The following ALDH5A1 variants were observed in gnomAD, a reference collection of about 807,000 sequenced individuals.
ALDH5A1 encodes succinate-semialdehyde dehydrogenase, mitochondrial.
In ALDH5A1, 33 loss-of-function variants were observed where a neutral mutation model predicts 54.7. The ratio of observed to expected loss-of-function variants is 0.60; its 90% CI spans 0.46 to 0.81. The LOEUF (loss-of-function observed/expected upper bound fraction) is 0.81, where lower values mean the gene tolerates loss of function less well. ALDH5A1 is among the 30% of genes least tolerant of loss of function. The pLI is 0.00. For synonymous variants in ALDH5A1, 294 were observed against 292.7 expected (o/e 1.00, Z -0.05); for missense variants, 657 against 711.0 (o/e 0.92, Z 0.86).
rs2760118 is a variant in ALDH5A1, at chr6:24,503,362, C to T, written c.538C>T (p.His180Tyr). ...CCGCCGTGTTTACGGAGACATTATCCACACCCCGGCAAAGGACAGGCGGGC... is the reference window on the plus strand; with the variant it reads ...CCGCCGTGTTTACGGAGACATTATCTACACCCCGGCAAAGGACAGGCGGGC... Reference protein sequence around the residue: ...EARRVYGDIIHTPAKDRRALV... With the variant: ...EARRVYGDIIYTPAKDRRALV... The change falls in exon 3 of 10, where the codon CAC becomes TAC. Residue 180 changes from histidine (H) to tyrosine (Y), a missense_variant. His to Tyr is a moderately conservative substitution (Grantham distance 83, BLOSUM62 2). This residue lies in a region of ALDH5A1 where 425 missense variants were observed against 516.4 expected (regional missense o/e 0.82). Coordinates refer to ENST00000357578, the MANE Select transcript of ALDH5A1 (RefSeq NM_001080.3). 0.34 allele frequency: 544,599 copies of T among 1,613,672 alleles called. 94,205 individuals carry two copies. The highest frequency in any genetic ancestry group is 0.45 in the African/African-American group (33,523 of 74,930).
chr6:24,519,697 T>G (rs995194256), intron 5 of ALDH5A1, among the ~76,000 whole-genome samples: 2 of 151,802 alleles, frequency 1.3e-5, no homozygotes, highest in African/African-American at 4.8e-5. Context: ...AAATATGTGA[T>G]TCATTGGGAA....
chr6:24,503,219 A>G (rs749697328), intron 2 of ALDH5A1, 44 bp from the exon 3 acceptor site: 2 of 1,601,768 alleles, frequency 1.2e-6, no homozygotes, highest in South Asian at 2.2e-5. Context: ...CCATGCTTTT[A>G]TTATTAGAAG....
At chr6:24,523,757 T>C (rs7357016) in intron 7 of ALDH5A1, among the ~76,000 whole-genome samples, 13 of 152,298 alleles carry the variant, frequency 8.5e-5, no homozygotes, top group African/African-American at 3.1e-4. Context: ...TCTAAAACAG[T>C]CCTTCATGAA....
chr6:24,532,059 A>G, intron 8 of ALDH5A1, 60 bp from the exon 9 acceptor site: 1 of 1,518,644 alleles, frequency 6.6e-7, no homozygotes, highest in Non-Finnish European at 9.1e-7. Flanking sequence ...AGAAGAAAAC[A>G]AAACTGGTTT....
intron 1 of ALDH5A1, among the ~76,000 whole-genome samples, chr6:24,500,641 T>C (rs1275994988): frequency 1.3e-4 from 14 of 106,026 alleles, no homozygotes; most frequent in Non-Finnish European, 2.7e-4. Flanking sequence ...ATCAAGACCG[T>C]ATCTAAAATA....
At chr6:24,516,612 C>T (rs1759579577) in intron 5 of ALDH5A1, among the ~76,000 whole-genome samples, 1 of 151,952 alleles carries the variant, frequency 6.6e-6, no homozygotes, top group Non-Finnish European at 1.5e-5. Context: ...TCTGTACTCA[C>T]ATTGTTCATG....
intron 1 of ALDH5A1, among the ~76,000 whole-genome samples, chr6:24,497,539 G>A (rs953588894): frequency 6.6e-5 from 10 of 152,092 alleles, no homozygotes; most frequent in Non-Finnish European, 8.8e-5. Flanking sequence ...CAGGGCGCTG[G>A]TTGGTGCATT....
intron 7 of ALDH5A1, 131 bp from the exon 8 acceptor site, chr6:24,527,866 C>G: frequency 2.0e-6 from 2 of 989,240 alleles, no homozygotes; most frequent in South Asian, 1.4e-5. Context: ...AAAAGGAAAC[C>G]AGCATGCTTT....
At chr6:24,508,361 CAAAAAAAA>C (rs1214819272) in intron 4 of ALDH5A1, among the ~76,000 whole-genome samples, 6 of 13,084 alleles carry the variant, frequency 4.6e-4, no homozygotes, top group African/African-American at 9.9e-4. Context: ...ACTCCATCTC[CAAAAAAAA>C]AAAAAAAAAA....
Position 24,528,020 on chromosome 6 carries a change from C to A in ALDH5A1, c.1197C>A (p.Ala399=), listed in dbSNP as rs747534238. ...VEKVEKQVND[A]VSKGATVVTG... The stretch of plus-strand genomic sequence containing the variant: ...AGGTGGAGAAACAGGTGAATGATGC[C>A]GTTTCTAAAGGTGCCACCGTTGTGA... Residue 399 remains alanine, a synonymous_variant, in exon 8 of 10, where the codon GCC becomes GCA. Coordinates refer to ENST00000357578, the MANE Select transcript of ALDH5A1 (RefSeq NM_001080.3). The A allele has an allele frequency of 1.2e-6, 2 of 1,613,972 alleles. No individual in the cohort carries two copies. Among genetic ancestry groups the A allele is most frequent in the Admixed American group, 1.7e-5 (1 of 60,016 alleles).
intron 1 of ALDH5A1, among the ~76,000 whole-genome samples, chr6:24,497,557 C>T (rs986726672): frequency 1.3e-5 from 2 of 152,162 alleles, no homozygotes; most frequent in African/African-American, 4.8e-5. Context: ...ATTTTACAAT[C>T]CTCTTGTAAG....
At position 24,533,889 on chromosome 6, in the gene ALDH5A1, G is replaced by A. The variant is rs993931112; in HGVS notation, c.*177G>A. 5 of 627,554 alleles carry A rather than the reference G, an allele frequency of 8.0e-6. No individual in the cohort carries two copies. The highest frequency in any genetic ancestry group is 8.1e-6 in the Non-Finnish European group (3 of 369,718). 38.9% of individuals were successfully genotyped at this position (627,554 alleles called of 1,614,324 possible). A position where few individuals can be genotyped will look rare whatever the true frequency, so the allele number is the denominator to read the frequency against. On this transcript the variant is annotated 3_prime_UTR_variant, in exon 10 of 10. Transcript: ENST00000357578. ...CTACCCCTGCCCTTAATGTAACTAG[G>A]GACCAATATGTGCCACGTGCCTGTG...
chr6:24,520,948 A>G (rs917114275), intron 6 of ALDH5A1, among the ~76,000 whole-genome samples: 14 of 152,040 alleles, frequency 9.2e-5, no homozygotes, highest in African/African-American at 2.2e-4. Flanking sequence ...TCTTTCATTG[A>G]TCTTTTTTCT....
At chr6:24,497,430 GAT>G (rs1764735546) in intron 1 of ALDH5A1, among the ~76,000 whole-genome samples, 1 of 148,782 alleles carries the variant, frequency 6.7e-6, no homozygotes, top group Non-Finnish European at 1.5e-5. Flanking sequence ...ACAGAGCACT[GAT>G]TGGTGCATTT....
In ALDH5A1 at chr6:24,522,924, A is replaced by G. The variant is rs1479093682; in HGVS notation, c.1172A>G (p.Lys391Arg). The stretch of plus-strand genomic sequence containing the variant: ...TTAATTAATGAAAAAGCGGTAGAAA[A>G]GGTAAGTATATTGTATTATTTGTGA... Reference protein sequence around the residue: ...GPLINEKAVEKVEKQVNDAVS... With the variant: ...GPLINEKAVERVEKQVNDAVS... Residue 391 changes from lysine (K) to arginine (R), a missense_variant and splice_region_variant, in exon 7 of 10, where the codon AAG becomes AGG. Around this residue, in one of 2 missense-constraint regions of ALDH5A1, gnomAD observed 425 missense variants for 516.4 expected, o/e 0.82. Coordinates refer to ENST00000357578, the MANE Select transcript of ALDH5A1 (RefSeq NM_001080.3). 6.4e-7 allele frequency: 1 copy of G among 1,565,314 alleles called. No homozygotes were observed. Among genetic ancestry groups the G allele is most frequent in the Non-Finnish European group, 8.7e-7 (1 of 1,148,482 alleles).
intron 8 of ALDH5A1, among the ~76,000 whole-genome samples, chr6:24,528,385 T>TG (rs1759863178): frequency 6.6e-6 from 1 of 152,108 alleles, no homozygotes; most frequent in Non-Finnish European, 1.5e-5. Context: ...CTTTTTGAGA[T>TG]GGAGTTTCAC....
chr6:24,514,506 A>G (rs1439622797), intron 4 of ALDH5A1, among the ~76,000 whole-genome samples: 3 of 152,146 alleles, frequency 2.0e-5, no homozygotes, highest in Non-Finnish European at 4.4e-5. Context: ...TGGGAGGCTG[A>G]GGTGGGCGGA....
In ALDH5A1 at chr6:24,506,243, C is replaced by CTTTTTTTTTTTTTTTTTTTTTT. The variant is rs70974913; in HGVS notation, c.726+1267_726+1288dup. Among the ~76,000 whole-genome samples the CTTTTTTTTTTTTTTTTTTTTTT allele has an allele frequency of 7.5e-4, 39 of 52,160 alleles. 15 individuals are homozygous for CTTTTTTTTTTTTTTTTTTTTTT. The highest frequency in any genetic ancestry group is 1.2e-3 in the Non-Finnish European group (34 of 29,132). The allele number at this position is 52,160 out of a possible 152,430, so 34.2% of individuals were successfully genotyped here. ...TCTGCACCTCCTTCTTTCCTGGTTC[C>CTTTTTTTTTTTTTTTTTTTTTT]TTTTTTTTTTTTTTTTTTTTTTTTT... On this transcript the variant is annotated intron_variant, in intron 4 of 9. Coordinates refer to ENST00000357578, the MANE Select transcript of ALDH5A1 (RefSeq NM_001080.3).
In ALDH5A1 at chr6:24,495,104, G is replaced by C; in HGVS notation, c.108G>C (p.Gly36=). 7.6e-7 allele frequency: 1 copy of C among 1,316,302 alleles called. No individual in the cohort carries two copies. Among genetic ancestry groups the C allele is most frequent in the East Asian group, 3.2e-5 (1 of 31,708 alleles). The allele number at this position is 1,316,302 out of a possible 1,614,324, so 81.5% of individuals were successfully genotyped here. ...PRAGGLVPAS[G]PAPGPAQLRC... ...CCGGCGGCCTGGTCCCTGCCTCCGG[G>C]CCTGCGCCCGGCCCGGCCCAGCTCC... Residue 36 remains glycine (G), a synonymous_variant, in exon 1 of 10, where the codon GGG becomes GGC. Coordinates refer to ENST00000357578, the MANE Select transcript of ALDH5A1 (RefSeq NM_001080.3).
Sources: gnomAD v4.1 joint callset for allele counts (sites outside exome capture counted in the v4.1 genomes callset) on GRCh38, gnomAD v4.1.1 for gene constraint, gnomAD v4.1.1 regional missense constraint, MANE v1.5 for transcripts, NCBI Gene and HGNC (gene_info 2026-07-23, HGNC 2026-07-21) for gene names.